The following YTHDF3 variants were observed in gnomAD, a reference collection of about 807,000 sequenced individuals.
YTHDF3 encodes YTH N6-methyladenosine RNA binding protein F3, also known as YTH domain-containing family protein 3.
In YTHDF3, 9 loss-of-function variants were observed where a neutral mutation model predicts 52.5. That is an observed-to-expected ratio of 0.17 (90% CI 0.10 to 0.30). The LOEUF is 0.30. Among genes scored for constraint, YTHDF3 ranks in the 10% least tolerant of loss-of-function variants. The pLI, the probability that YTHDF3 is intolerant of heterozygous loss-of-function variation, is 1.00. For synonymous variants in YTHDF3, 274 were observed against 243.3 expected (o/e 1.13, Z -1.18); for missense variants, 534 against 715.0 (o/e 0.75, Z 2.89).
At chr8:63,198,482 G>T (rs910753959) in intron 4 of YTHDF3, among the ~76,000 whole-genome samples, 1 of 152,160 alleles carries the variant, frequency 6.6e-6, no homozygotes, top group Admixed American at 6.5e-5. Flanking sequence ...GGCCAGGCTG[G>T]TCTCAAACTC....
rs1169009109 is a variant in YTHDF3 at position 63,186,905 on chromosome 8, A to G, written c.894A>G (p.Gln298=). The G allele has an allele frequency of 6.2e-7, 1 of 1,613,992 alleles. No homozygotes were observed. Among genetic ancestry groups the G allele is most frequent in the Non-Finnish European group, 8.5e-7 (1 of 1,179,884 alleles). The change falls in exon 4 of 5, where the codon CAA becomes CAG. Residue 298 remains glutamine (Q), a synonymous_variant. Coordinates refer to ENST00000539294, the MANE Select transcript of YTHDF3 (RefSeq NM_152758.6). ...APPTQPVLPP[Q]TIIQQPQPLI... is the part of the protein sequence containing the mutation. ...CAACCCAACCAGTTCTGCCTCCTCA[A>G]ACTATAATCCAGCAGCCTCAGCCAT...
intron 4 of YTHDF3, among the ~76,000 whole-genome samples, chr8:63,206,213 A>G (rs987891151): frequency 6.6e-6 from 1 of 152,076 alleles, no homozygotes; most frequent in African/African-American, 2.4e-5. Context: ...AGCTAGGATT[A>G]CAGACATGTG....
Position 63,209,830 on chromosome 8 carries a change from C to A in YTHDF3, c.*124C>A. 2.1e-6 allele frequency: 2 copies of A among 949,922 alleles called. No homozygotes were observed. Among genetic ancestry groups the A allele is most frequent in the Non-Finnish European group, 3.1e-6 (2 of 652,660 alleles). The allele number at this position is 949,922 out of a possible 1,614,324, so 58.8% of individuals were successfully genotyped here. A position where few individuals can be genotyped will look rare whatever the true frequency, so the allele number is the denominator to read the frequency against. ...AAGGTGACATCTTTGAACACTTTAACACAAAGTTGACTCTTCTCGTAATGG... is the reference window on the plus strand; with the variant it reads ...AAGGTGACATCTTTGAACACTTTAAAACAAAGTTGACTCTTCTCGTAATGG... On this transcript the variant is annotated 3_prime_UTR_variant, in exon 5 of 5. Transcript: ENST00000539294.
At chr8:63,195,206 A>C (rs566607196) in intron 4 of YTHDF3, among the ~76,000 whole-genome samples, 6 of 152,222 alleles carry the variant, frequency 3.9e-5, no homozygotes, top group Non-Finnish European at 8.8e-5. Flanking sequence ...TAGTATTTGT[A>C]TTATATTTGA....
chr8:63,170,032 G>GTAA (rs1807189605), intron 2 of YTHDF3, among the ~76,000 whole-genome samples: 1 of 152,092 alleles, frequency 6.6e-6, no homozygotes, highest in African/African-American at 2.4e-5. Flanking sequence ...TTTCTCTTTA[G>GTAA]TAAAAGTACC....
At chr8:63,194,163 T>C (rs931528535) in intron 4 of YTHDF3, among the ~76,000 whole-genome samples, 5 of 152,304 alleles carry the variant, frequency 3.3e-5, no homozygotes, top group Non-Finnish European at 5.9e-5. Context: ...ACTATACTTT[T>C]GCTTCATCTT....
At position 63,186,605 on chromosome 8, in the gene YTHDF3, T is replaced by C. The variant is rs1318546099; in HGVS notation, c.594T>C (p.Gly198=). The part of the protein sequence containing the change: ...EQGMTGLKIG[G]DLTAAVTKTV... ...GCATGACTGGACTGAAAATTGGTGGTGACCTGACAGCTGCAGTGACAAAAA... is the reference window on the plus strand; with the variant it reads ...GCATGACTGGACTGAAAATTGGTGGCGACCTGACAGCTGCAGTGACAAAAA... The change falls in exon 4 of 5, where the codon GGT becomes GGC. Residue 198 remains glycine (G), a synonymous_variant. Coordinates refer to ENST00000539294, the MANE Select transcript of YTHDF3 (RefSeq NM_152758.6). 7.4e-6 allele frequency: 12 copies of C among 1,613,884 alleles called. No homozygotes were observed. Among genetic ancestry groups the C allele is most frequent in the South Asian group, 3.3e-5 (3 of 91,090 alleles).
chr8:63,168,812 G>T lies in YTHDF3; in HGVS notation c.-66G>T, dbSNP rs1466168857. The T allele has an allele frequency of 1.3e-6, 2 of 1,550,226 alleles. No individual in the cohort carries two copies. Among genetic ancestry groups the T allele is most frequent in the Admixed American group, 2.0e-5 (1 of 51,032 alleles). On this transcript the variant is annotated 5_prime_UTR_variant, in exon 1 of 5. Transcript: ENST00000539294. ...ACTCGGCCAAGGGCGACAGCCAACT[G>T]CTGTGAGTGCACGGGGAGAGGCCCA...
chr8:63,182,654 C>G (rs1395983597), intron 3 of YTHDF3, among the ~76,000 whole-genome samples: 1 of 152,102 alleles, frequency 6.6e-6, no homozygotes, highest in Non-Finnish European at 1.5e-5. Flanking sequence ...TTTTCCACTC[C>G]CACATCCAGA....
Position 63,212,244 on chromosome 8 carries a change from GA to G in YTHDF3, c.*2541del, listed in dbSNP as rs1810405705. 1 of 152,540 alleles carries G rather than the reference GA, an allele frequency of 6.6e-6. No homozygotes were observed. The highest frequency in any genetic ancestry group is 2.4e-5 in the African/African-American group (1 of 41,422). 9.4% of individuals were successfully genotyped at this position (152,540 alleles called of 1,614,324 possible). ...AGTTTGTATATTTAACAGTAAGGAG[GA>G]AACTGTAACCAAAATTAGTATTTCT... is the stretch of plus-strand genomic sequence containing the variant. On this transcript the variant is annotated 3_prime_UTR_variant, in exon 5 of 5. Coordinates refer to ENST00000539294, the MANE Select transcript of YTHDF3 (RefSeq NM_152758.6).
intron 3 of YTHDF3, among the ~76,000 whole-genome samples, chr8:63,180,455 TGGC>T (rs1808046599): frequency 7.7e-6 from 1 of 130,630 alleles, no homozygotes; most frequent in African/African-American, 3.0e-5. Flanking sequence ...CTAGATGAGA[TGGC>T]GGCCGGGCAG....
At chr8:63,169,480 G>A (rs1005675511) in intron 2 of YTHDF3, 69 bp downstream of exon 2, 13 of 1,503,814 alleles carry the variant, frequency 8.6e-6, no homozygotes, top group Non-Finnish European at 1.2e-5. Flanking sequence ...CTCTGTGAGG[G>A]TATTTTGTTT....
intron 4 of YTHDF3, among the ~76,000 whole-genome samples, chr8:63,196,749 C>A (rs1240401056): frequency 1.3e-5 from 2 of 151,802 alleles, no homozygotes; most frequent in African/African-American, 4.8e-5. Context: ...TGGAATTATA[C>A]CTGTAAAGAT....
intron 3 of YTHDF3, among the ~76,000 whole-genome samples, chr8:63,182,946 C>A (rs899884805): frequency 7.0e-6 from 1 of 141,938 alleles, no homozygotes. Context: ...AGACAGTAGA[C>A]AGTTTTATCT....
intron 4 of YTHDF3, among the ~76,000 whole-genome samples, chr8:63,208,470 G>T (rs1190606571): frequency 6.6e-6 from 1 of 152,216 alleles, no homozygotes; most frequent in Admixed American, 6.5e-5. Context: ...AACACCAGTG[G>T]TTTTCAAAGT....
chr8:63,185,022 G>T (rs1808405233), intron 3 of YTHDF3, among the ~76,000 whole-genome samples: 1 of 152,172 alleles, frequency 6.6e-6, no homozygotes, highest in Non-Finnish European at 1.5e-5. Flanking sequence ...TCTGGGAGCT[G>T]AAATGGGAGG....
intron 4 of YTHDF3, among the ~76,000 whole-genome samples, chr8:63,193,739 C>T (rs1051044885): frequency 1.3e-5 from 2 of 151,902 alleles, no homozygotes; most frequent in African/African-American, 2.4e-5. Context: ...TAAAGGCTTA[C>T]GAAAAATGAG....
intron 3 of YTHDF3, among the ~76,000 whole-genome samples, chr8:63,185,943 T>C (rs1808470717): frequency 6.6e-6 from 1 of 152,260 alleles, no homozygotes. Context: ...GGTTAGTTTG[T>C]AAGAAATATT....
At chr8:63,198,908 A>G (rs551878017) in intron 4 of YTHDF3, among the ~76,000 whole-genome samples, 108 of 152,270 alleles carry the variant, frequency 7.1e-4, no homozygotes, top group Admixed American at 5.2e-4. Flanking sequence ...CTAGAATGTA[A>G]AGTTGGGCCC....
Sources: allele counts gnomAD v4.1 joint callset (sites outside exome capture counted in the v4.1 genomes callset), GRCh38; gene constraint gnomAD v4.1.1; transcripts MANE v1.5; gene names NCBI Gene and HGNC (gene_info 2026-07-23, HGNC 2026-07-21).